Variants in CSMD1 observed in about 807,000 individuals in gnomAD.
CSMD1 encodes CUB and sushi domain-containing protein 1.
A neutral mutation model predicts 417.5 loss-of-function variants in CSMD1; 213 were observed. The ratio of observed to expected loss-of-function variants is 0.51; its 90% CI spans 0.46 to 0.57. The LOEUF is 0.57. CSMD1 is among the 20% of genes least tolerant of loss of function. The probability of loss-of-function intolerance (pLI) is 0.00; values close to 1 mark genes in which losing one functional copy is unlikely to be tolerated. For synonymous variants in CSMD1, 2,862 were observed against 1,736.8 expected (o/e 1.65, Z -16.11); for missense variants, 6,923 against 4,529.7 (o/e 1.53, Z -15.17).
At chr8:4,084,349 C>T (rs1461047663) in intron 3 of CSMD1, among the ~76,000 whole-genome samples, 1 of 150,814 alleles carries the variant, frequency 6.6e-6, no homozygotes, top group African/African-American at 2.4e-5. Context: ...AAAAAACAAA[C>T]TACAACCATA....
intron 5 of CSMD1, among the ~76,000 whole-genome samples, chr8:3,877,347 C>A (rs772316353): frequency 7.2e-5 from 11 of 152,194 alleles, no homozygotes; most frequent in African/African-American, 2.7e-4. Context: ...ATGGGGGAGG[C>A]ATGTGCTCTT....
chr8:4,404,525 T>C (rs1270754867), intron 3 of CSMD1, among the ~76,000 whole-genome samples: 2 of 152,114 alleles, frequency 1.3e-5, no homozygotes, highest in Non-Finnish European at 2.9e-5. Flanking sequence ...AAAAAATAAG[T>C]TTCATGAAGG....
chr8:4,145,609 A>G (rs957680806), intron 3 of CSMD1, among the ~76,000 whole-genome samples: 1 of 150,888 alleles, frequency 6.6e-6, no homozygotes, highest in African/African-American at 2.5e-5. Flanking sequence ...GGCTAGTGTC[A>G]AAGTCCTCGG....
At chr8:4,798,103 G>A (rs944954586) in intron 1 of CSMD1, among the ~76,000 whole-genome samples, 29 of 152,286 alleles carry the variant, frequency 1.9e-4, no homozygotes, top group African/African-American at 7.0e-4. Context: ...ATGTTGGCAT[G>A]CTGTACCCAA....
At chr8:4,918,997 T>C (rs1806250522) in intron 1 of CSMD1, among the ~76,000 whole-genome samples, 1 of 152,196 alleles carries the variant, frequency 6.6e-6, no homozygotes, top group Admixed American at 6.5e-5. Context: ...GCACCTAAAA[T>C]ACATGTACCA....
intron 10 of CSMD1, among the ~76,000 whole-genome samples, chr8:3,534,437 C>T (rs1798106867): frequency 1.3e-5 from 2 of 151,338 alleles, no homozygotes; most frequent in South Asian, 4.2e-4. Flanking sequence ...GGGCAAAGTG[C>T]CTATCAGCAT....
At chr8:4,380,114 C>G (rs1380298075) in intron 3 of CSMD1, among the ~76,000 whole-genome samples, 1 of 152,126 alleles carries the variant, frequency 6.6e-6, no homozygotes, top group Non-Finnish European at 1.5e-5. Flanking sequence ...AAAACAAATT[C>G]CTTGTGTTGA....
chr8:3,913,703 G>C lies in CSMD1; in HGVS notation c.818+84200C>G, dbSNP rs187813454. Among the ~76,000 whole-genome samples, 353 of 152,290 alleles carry C rather than the reference G, an allele frequency of 2.3e-3. 1 individual carries two copies. Among genetic ancestry groups the C allele is most frequent in the African/African-American group, 7.7e-3 (322 of 41,558 alleles). On this transcript the variant is annotated intron_variant, in intron 5 of 69. Transcript: ENST00000635120. Reference sequence around the variant, plus strand: ...AGGATGCAAACTTTCAGGAAGTTTAGATGGAAGCATGCAGGGAAGGCAGGA... The same window carrying C: ...AGGATGCAAACTTTCAGGAAGTTTACATGGAAGCATGCAGGGAAGGCAGGA...
intron 42 of CSMD1, among the ~76,000 whole-genome samples, chr8:3,114,018 G>C (rs1304866726): frequency 6.6e-6 from 1 of 152,102 alleles, no homozygotes; most frequent in Non-Finnish European, 1.5e-5. Context: ...AGGAGTTCGA[G>C]ACTAGTCTGG....
chr8:4,883,587 T>C (rs1585260369), intron 1 of CSMD1, among the ~76,000 whole-genome samples: 1 of 152,228 alleles, frequency 6.6e-6, no homozygotes, highest in African/African-American at 2.4e-5. Context: ...CACATAATAT[T>C]TTGTGGCTGG....
chr8:3,954,437 G>T (rs1349536127), intron 5 of CSMD1, among the ~76,000 whole-genome samples: 1 of 152,138 alleles, frequency 6.6e-6, no homozygotes, highest in African/African-American at 2.4e-5. Flanking sequence ...GGTGATCTCA[G>T]CTCACTGCAA....
chr8:4,192,636 T>G (rs1799095182), intron 3 of CSMD1, among the ~76,000 whole-genome samples: 1 of 152,246 alleles, frequency 6.6e-6, no homozygotes, highest in African/African-American at 2.4e-5. Context: ...AGGGCATATT[T>G]GCTCAGGGAT....
chr8:4,080,362 A>G (rs1328073758), intron 3 of CSMD1, among the ~76,000 whole-genome samples: 2 of 152,222 alleles, frequency 1.3e-5, no homozygotes, highest in Non-Finnish European at 2.9e-5. Flanking sequence ...AGCAAAATCT[A>G]CACAAACAGG....
In CSMD1 at chr8:4,207,808, A is replaced by G. The variant is rs562792823; in HGVS notation, c.416-175709T>C. On this transcript the variant is annotated intron_variant, in intron 3 of 69. Coordinates refer to ENST00000635120, the MANE Select transcript of CSMD1 (RefSeq NM_033225.6). ...ACTGGCAATAGCAAAAGTTACAATA[A>G]TTATGTTGAAACAGATGCAACCTCA... 4.6e-5 allele frequency among the ~76,000 whole-genome samples: 7 copies of G among 152,298 alleles called. No homozygotes were observed. The South Asian group carries it at 8.3e-4, about 18-fold the overall frequency.
At chr8:3,370,127 C>A (rs1809856328) in intron 18 of CSMD1, among the ~76,000 whole-genome samples, 2 of 152,136 alleles carry the variant, frequency 1.3e-5, no homozygotes, top group South Asian at 4.1e-4. Context: ...GAATTCAATT[C>A]TTAAGATATC....
Position 3,150,918 on chromosome 8 carries a change from AC to A in CSMD1, c.6031+478del, listed in dbSNP as rs1448958036. ...ATGTTAATAACTAGATATTAAAAAA[AC>A]AACTTATTTATTAACCTGAAAACAA... On this transcript the variant is annotated intron_variant, in intron 40 of 69. Coordinates refer to ENST00000635120, the MANE Select transcript of CSMD1 (RefSeq NM_033225.6). Among the ~76,000 whole-genome samples, 9 of 152,224 alleles carry A rather than the reference AC, an allele frequency of 5.9e-5. No individual in the cohort carries two copies. The East Asian group carries it at 1.3e-3, about 23-fold the overall frequency.
At chr8:4,483,436 C>T (rs527567043) in intron 2 of CSMD1, among the ~76,000 whole-genome samples, 22 of 152,164 alleles carry the variant, frequency 1.4e-4, no homozygotes, top group Non-Finnish European at 2.8e-4. Flanking sequence ...CAAGTCATTA[C>T]CATTTAGAAA....
At chr8:3,652,461 G>A (rs1329544279) in intron 7 of CSMD1, among the ~76,000 whole-genome samples, 1 of 152,216 alleles carries the variant, frequency 6.6e-6, no homozygotes, top group Non-Finnish European at 1.5e-5. Context: ...TTCTCTTGCT[G>A]CTAATAAAGA....
chr8:4,466,077 G>A (rs529835673), intron 2 of CSMD1, among the ~76,000 whole-genome samples: 1 of 152,284 alleles, frequency 6.6e-6, no homozygotes, highest in Admixed American at 6.5e-5. Flanking sequence ...AACAAGTTAT[G>A]GAGAGATTAA....
Sources: allele counts gnomAD v4.1 joint callset (sites outside exome capture counted in the v4.1 genomes callset), GRCh38; gene constraint gnomAD v4.1.1; transcripts MANE v1.5; gene names NCBI Gene and HGNC (gene_info 2026-07-23, HGNC 2026-07-21).